The following PRKX variants were observed in gnomAD, a reference collection of about 807,000 sequenced individuals.
PRKX encodes cAMP-dependent protein kinase catalytic subunit PRKX.
PRKX carries 12 observed loss-of-function variants against 22.0 expected under a neutral mutation model. The ratio of observed to expected loss-of-function variants is 0.54; its 90% CI spans 0.35 to 0.88. PRKX has a LOEUF of 0.88. Among genes scored for constraint, PRKX ranks in the 40% least tolerant of loss-of-function variants. The pLI is 0.01. For missense variants in PRKX, 217 were observed against 308.0 expected (o/e 0.70, Z 2.21); for synonymous variants, 134 against 137.7 (o/e 0.97, Z 0.19).
intron 1 of PRKX, among the ~76,000 whole-genome samples, chrX:3,710,940 G>A (rs989711851): frequency 1.8e-5 from 2 of 111,599 alleles, no homozygotes; most frequent in Admixed American, 9.5e-5. Flanking sequence ...TCTCCATCAC[G>A]CCTTGGAAAA....
intron 1 of PRKX, among the ~76,000 whole-genome samples, chrX:3,689,030 T>C (rs1928241254): frequency 1.8e-5 from 2 of 112,238 alleles, no homozygotes; most frequent in Admixed American, 1.9e-4. Context: ...AACAGATGCA[T>C]TTCACTATAT....
intron 3 of PRKX, among the ~76,000 whole-genome samples, chrX:3,650,518 TC>T (rs1427183336): frequency 4.6e-4 from 1 of 2,176 alleles, no homozygotes; most frequent in Non-Finnish European, 7.7e-4. Flanking sequence ...GAGACTCCTC[TC>T]CAAAAAAAAA....
intron 1 of PRKX, among the ~76,000 whole-genome samples, chrX:3,692,130 G>GGA (rs1171134418): frequency 3.8e-5 from 4 of 105,009 alleles, no homozygotes; most frequent in African/African-American, 6.9e-5. Context: ...GGAGAGAGGG[G>GGA]GAGAGAGAGA....
chrX:3,648,644 G>A (rs1927245621), intron 3 of PRKX, among the ~76,000 whole-genome samples: 1 of 106,728 alleles, frequency 9.4e-6, no homozygotes, highest in African/African-American at 3.4e-5. Flanking sequence ...GTGTGTGTGT[G>A]TGTGTGTGTG....
chrX:3,623,080 T>C (rs143860848), intron 5 of PRKX, among the ~76,000 whole-genome samples: 1,227 of 92,092 alleles, frequency 0.013, 16 homozygotes, highest in African/African-American at 0.041. Flanking sequence ...GGCAGTGGTG[T>C]AAATTATAGG....
intron 7 of PRKX, among the ~76,000 whole-genome samples, chrX:3,613,876 A>G (rs1490493979): frequency 9.8e-6 from 1 of 101,942 alleles, no homozygotes; most frequent in Non-Finnish European, 2.0e-5. Flanking sequence ...AAAAAAAAAA[A>G]AAAAGAAGCG....
chrX:3,618,591 C>A (rs983865849), intron 6 of PRKX, among the ~76,000 whole-genome samples: 1 of 110,484 alleles, frequency 9.1e-6, no homozygotes, highest in African/African-American at 3.3e-5. Flanking sequence ...GTTGTACATG[C>A]TAAATAATAC....
At chrX:3,658,722 C>A (rs1927531811) in intron 2 of PRKX, among the ~76,000 whole-genome samples, 1 of 110,723 alleles carries the variant, frequency 9.0e-6, no homozygotes. Context: ...AGGACCCGTG[C>A]CAGTTTTGTC....
rs148799389 is a variant in PRKX at position 3,657,659 on chromosome X, C to A, written c.336-2247G>T. On this transcript the variant is annotated intron_variant, in intron 2 of 8. Transcript: ENST00000262848. ...TGAGAATTAACAATAAACTAGCAGA[C>A]TGCATCCCAAACCTGCTAGGAAAAG... Among the ~76,000 whole-genome samples, 288 of 112,046 alleles carry A rather than the reference C, an allele frequency of 2.6e-3. 5 individuals are homozygous for A. The East Asian group carries it at 0.049, about 19-fold the overall frequency.
At chrX:3,711,783 G>T (rs1332932963) in intron 1 of PRKX, among the ~76,000 whole-genome samples, 3 of 110,265 alleles carry the variant, frequency 2.7e-5, no homozygotes, top group African/African-American at 9.9e-5. Flanking sequence ...AACCAAGACC[G>T]GAAGGGGACA....
intron 4 of PRKX, among the ~76,000 whole-genome samples, chrX:3,629,384 T>A (rs1331824943): frequency 3.7e-5 from 4 of 108,597 alleles, no homozygotes; most frequent in Non-Finnish European, 7.6e-5. Flanking sequence ...CAGCTGGGGC[T>A]ACAGGTCTGC....
At chrX:3,671,885 G>A (rs1927853374) in intron 2 of PRKX, among the ~76,000 whole-genome samples, 1 of 111,359 alleles carries the variant, frequency 9.0e-6, no homozygotes, top group Non-Finnish European at 1.9e-5. Context: ...CATGTCAGGA[G>A]GCCAAGGCAA....
Position 3,713,010 on chromosome X carries a change from A to T in PRKX, c.166+78T>A, listed in dbSNP as rs1256107551. ...GGCCCTCCCCAGGAGGTCGGCACCC[A>T]GGGCCCTTTGTCCTACTACAACGTC... On this transcript the variant is annotated intron_variant, in intron 1 of 8. Transcript: ENST00000262848. 2.3e-5 allele frequency: 24 copies of T among 1,059,331 alleles called. No homozygotes were observed. The African/African-American group carries it at 3.9e-4, about 17-fold the overall frequency. 87.3% of individuals were successfully genotyped at this position (1,059,331 alleles called of 1,213,427 possible).
chrX:3,708,131 G>A (rs1409131294), intron 1 of PRKX, among the ~76,000 whole-genome samples: 16 of 111,191 alleles, frequency 1.4e-4, no homozygotes, highest in Non-Finnish European at 3.8e-5. Context: ...CGTGAGGTTG[G>A]AGCCTCATGA....
In PRKX at chrX:3,626,505, C is replaced by T. The variant is rs191011332; in HGVS notation, c.729G>A (p.Pro243=). The change falls in exon 5 of 9, where the codon CCG becomes CCA. Residue 243 remains proline, a synonymous_variant. Transcript: ENST00000262848. ...TGCCAAACGGGTTGTCATCAAAAAA[C>T]GGAGGAAACCTGTTAGAAAAACAAA... ...LIFEMLSGFP[P]FFDDNPFGIY... The T allele has an allele frequency of 7.2e-5, 87 of 1,204,184 alleles. No homozygotes were observed. Among genetic ancestry groups the T allele is most frequent in the African/African-American group, 1.6e-4 (9 of 57,273 alleles).
intron 1 of PRKX, among the ~76,000 whole-genome samples, chrX:3,677,548 C>A (rs1258985121): frequency 9.1e-6 from 1 of 110,225 alleles, no homozygotes; most frequent in African/African-American, 3.3e-5. Context: ...AAAAAAAAGA[C>A]CACAACCATA....
chrX:3,674,318 CAG>C (rs1330873308), intron 2 of PRKX, among the ~76,000 whole-genome samples: 4 of 111,729 alleles, frequency 3.6e-5, no homozygotes, highest in African/African-American at 9.8e-5. Flanking sequence ...CTTTTCCGGG[CAG>C]AGATACTTGG....
At chrX:3,613,893 C>T (rs1926364403) in intron 7 of PRKX, among the ~76,000 whole-genome samples, 2 of 90,580 alleles carry the variant, frequency 2.2e-5, no homozygotes, top group South Asian at 1.1e-3. Context: ...AGCGTATCAT[C>T]CCAGGCTCCA....
chrX:3,616,274 G>T (rs1210940701), intron 6 of PRKX, among the ~76,000 whole-genome samples: 4 of 111,449 alleles, frequency 3.6e-5, no homozygotes, highest in Non-Finnish European at 7.5e-5. Context: ...ATAGAAACTA[G>T]GGTTCAAGGA....
Sources: allele counts gnomAD v4.1 joint callset (sites outside exome capture counted in the v4.1 genomes callset), GRCh38; gene constraint gnomAD v4.1.1; transcripts MANE v1.5; gene names NCBI Gene and HGNC (gene_info 2026-07-23, HGNC 2026-07-21).